Variants in DHRSX observed in about 807,000 individuals in gnomAD.
DHRSX encodes the protein polyprenol dehydrogenase.
In DHRSX, 31 loss-of-function variants were observed where a neutral mutation model predicts 34.0. That is an observed-to-expected ratio of 0.91 (90% CI 0.69 to 1.23). The LOEUF (loss-of-function observed/expected upper bound fraction) is 1.23. Among genes scored for constraint, DHRSX ranks in the 50% most tolerant of loss-of-function variants. DHRSX has a pLI of 0.00. For synonymous variants in DHRSX, 201 were observed against 183.8 expected (o/e 1.09, Z -0.76); for missense variants, 414 against 428.1 (o/e 0.97, Z 0.29).
chrX:2,329,194 C>G (rs905847277), intron 3 of DHRSX, among the ~76,000 whole-genome samples: 2 of 152,056 alleles, frequency 1.3e-5, no homozygotes, highest in Admixed American at 6.6e-5. Flanking sequence ...CTAAGTAATG[C>G]CTGGTGGTTG....
In DHRSX at chrX:2,258,556, C is replaced by A. The variant is rs184875902; in HGVS notation, c.596+8184G>T. Among the ~76,000 whole-genome samples the A allele has an allele frequency of 9.4e-3, 1,422 of 151,516 alleles. 12 individuals are homozygous for A. Among genetic ancestry groups the A allele is most frequent in the Non-Finnish European group, 0.013 (907 of 67,846 alleles). On this transcript the variant is annotated intron_variant, in intron 5 of 6. Coordinates refer to ENST00000334651, the MANE Select transcript of DHRSX (RefSeq NM_145177.3). ...ACAGGGAGAAGACGGTGTCTACAAC[C>A]CAAGGAGAGAGGCCTCAGGAGGAGT...
chrX:2,404,854 C>A (rs1367301663), intron 3 of DHRSX, among the ~76,000 whole-genome samples: 2 of 152,180 alleles, frequency 1.3e-5, no homozygotes, highest in Non-Finnish European at 2.9e-5. Context: ...CTCCTCAACC[C>A]CTCGGTGTCT....
chrX:2,286,213 C>T (rs1474704502), intron 4 of DHRSX, among the ~76,000 whole-genome samples: 1 of 151,968 alleles, frequency 6.6e-6, no homozygotes, highest in Non-Finnish European at 1.5e-5. Flanking sequence ...TACATCAGAC[C>T]CAGGCCTCCA....
chrX:2,357,825 C>T (rs1335466350), intron 3 of DHRSX, among the ~76,000 whole-genome samples: 4 of 152,026 alleles, frequency 2.6e-5, no homozygotes, highest in Non-Finnish European at 4.4e-5. Context: ...GAAAGACAGG[C>T]ACTGTGTGTC....
intron 3 of DHRSX, among the ~76,000 whole-genome samples, chrX:2,390,759 T>C (rs1408286387): frequency 2.6e-5 from 4 of 152,278 alleles, no homozygotes; most frequent in African/African-American, 9.6e-5. Context: ...GATTGGTTTA[T>C]TTCACTTAGC....
At chrX:2,331,442 T>TG (rs2042473540) in intron 3 of DHRSX, among the ~76,000 whole-genome samples, 4 of 68,590 alleles carry the variant, frequency 5.8e-5, no homozygotes, top group African/African-American at 2.7e-4. Flanking sequence ...TTTGGTTTTT[T>TG]TTTTTTTTTT....
At position 2,235,739 on chromosome X, in the gene DHRSX, G is replaced by GA. The variant is rs765422799; in HGVS notation, c.804+7283dup. On this transcript the variant is annotated intron_variant, in intron 6 of 6. Coordinates refer to ENST00000334651, the MANE Select transcript of DHRSX (RefSeq NM_145177.3). Reference sequence around the variant, plus strand: ...GCCTGGGCAACAGAGCATCTCAGGGGAAAAAAAAAAAAAAAAGGGAACAAA... The same window carrying GA: ...GCCTGGGCAACAGAGCATCTCAGGGGAAAAAAAAAAAAAAAAAGGGAACAAA... Among the ~76,000 whole-genome samples, 62 of 130,764 alleles carry GA rather than the reference G, an allele frequency of 4.7e-4. 1 individual carries two copies. The highest frequency in any genetic ancestry group is 1.3e-3 in the Admixed American group (17 of 12,662). 85.8% of individuals were successfully genotyped at this position (130,764 alleles called of 152,430 possible).
intron 5 of DHRSX, 161 bp downstream of exon 5, chrX:2,266,579 C>T (rs1245714111): frequency 8.8e-5 from 18 of 205,700 alleles, no homozygotes; most frequent in Non-Finnish European, 1.3e-4. Flanking sequence ...GCAGGGAGCA[C>T]TGTCCCCAAA....
At chrX:2,488,470 C>T (rs1349218598) in intron 1 of DHRSX, 47 of 970,202 alleles carry the variant, frequency 4.8e-5, no homozygotes, top group African/African-American at 4.3e-4. Flanking sequence ...CCACCGCCCC[C>T]GACCCTCTCT....
At chrX:2,485,117 A>G (rs2044854295) in intron 1 of DHRSX, among the ~76,000 whole-genome samples, 1 of 152,188 alleles carries the variant, frequency 6.6e-6, no homozygotes, top group Non-Finnish European at 1.5e-5. Context: ...CGTGAAAACA[A>G]AACCGAACCG....
chrX:2,485,898 G>C (rs770982365), intron 1 of DHRSX, among the ~76,000 whole-genome samples: 1 of 148,338 alleles, frequency 6.7e-6, no homozygotes, highest in South Asian at 2.1e-4. Context: ...GAAGAGACAA[G>C]GATGGGAGGG....
rs1445315343 is a variant in DHRSX, at chrX:2,437,221, G to A, written c.110-11917C>T. 2.6e-5 allele frequency among the ~76,000 whole-genome samples: 4 copies of A among 152,066 alleles called. 1 individual carries two copies. The East Asian group carries it at 7.8e-4, about 30-fold the overall frequency. ...TCACCGTGTTAGCCAGGATGGTCTC[G>A]ATCTCCTGACCTCGTGATCCGCCCA... On this transcript the variant is annotated intron_variant, in intron 1 of 6. Transcript: ENST00000334651.
chrX:2,348,374 G>T (rs1418498871), intron 3 of DHRSX, among the ~76,000 whole-genome samples: 1 of 152,166 alleles, frequency 6.6e-6, no homozygotes, highest in African/African-American at 2.4e-5. Context: ...TGCAGCCAGG[G>T]TTTTGATGCA....
chrX:2,373,882 A>G (rs2043109927), intron 3 of DHRSX, among the ~76,000 whole-genome samples: 1 of 152,188 alleles, frequency 6.6e-6, no homozygotes, highest in Non-Finnish European at 1.5e-5. Context: ...GTTATCCAAA[A>G]TAGGGCACAC....
At chrX:2,321,809 C>T (rs991213220) in intron 3 of DHRSX, among the ~76,000 whole-genome samples, 31 of 152,022 alleles carry the variant, frequency 2.0e-4, no homozygotes, top group African/African-American at 5.6e-4. Flanking sequence ...TCTGCCACCC[C>T]GGAGCCAGCA....
chrX:2,477,573 C>T (rs2044699628), intron 1 of DHRSX, among the ~76,000 whole-genome samples: 1 of 152,100 alleles, frequency 6.6e-6, no homozygotes, highest in South Asian at 2.1e-4. Flanking sequence ...CGGCCAGGCG[C>T]GGGGGCTCAC....
chrX:2,468,291 C>G (rs7886129), intron 1 of DHRSX, among the ~76,000 whole-genome samples: 42,219 of 151,852 alleles, frequency 0.28, 6,455 homozygotes, highest in African/African-American at 0.4. Flanking sequence ...GGATGTGGAC[C>G]GGGCAGGGGA....
intron 1 of DHRSX, chrX:2,486,432 T>A (rs1476425147): frequency 6.6e-6 from 1 of 152,202 alleles, no homozygotes; most frequent in Non-Finnish European, 1.5e-5. Flanking sequence ...AATGAGGAGC[T>A]AATGCATTGC....
At chrX:2,403,673 G>A (rs1232272946) in intron 3 of DHRSX, among the ~76,000 whole-genome samples, 4 of 151,962 alleles carry the variant, frequency 2.6e-5, no homozygotes, top group Non-Finnish European at 4.4e-5. Context: ...TGGCTAACAC[G>A]GTGAAACCCC....
Sources: gnomAD v4.1 joint callset for allele counts (sites outside exome capture counted in the v4.1 genomes callset) on GRCh38, gnomAD v4.1.1 for gene constraint, MANE v1.5 for transcripts, NCBI Gene and HGNC (gene_info 2026-07-23, HGNC 2026-07-21) for gene names.